RBM33: variants seen among roughly 807,000 people sequenced by gnomAD.
The protein encoded by RBM33 is RNA binding motif protein 33, also known as RNA-binding protein 33.
RBM33 carries 28 observed loss-of-function variants against 132.6 expected under a neutral mutation model. The observed-to-expected ratio is 0.21, with a 90% confidence interval of 0.16 to 0.29. RBM33 has a LOEUF of 0.29. Ranked by LOEUF, RBM33 falls within the 10% of genes least tolerant of loss-of-function variation. The pLI is 1.00. For synonymous variants in RBM33, 634 were observed against 593.0 expected, an observed-to-expected ratio of 1.07 and a Z score of -1.01; for missense variants, 1,291 against 1,518.5, an observed-to-expected ratio of 0.85 and a Z score of 2.49.
At chr7:155,726,740 C>A (rs1056757562) in intron 9 of RBM33, among the ~76,000 whole-genome samples, 2 of 152,206 alleles carry the variant, frequency 1.3e-5, no homozygotes, top group African/African-American at 2.4e-5. Context: ...AGTAGAACTT[C>A]TTATGAATGT....
intron 6 of RBM33, chr7:155,701,200 T>A: frequency 1.8e-6 from 1 of 549,212 alleles, no homozygotes; most frequent in Non-Finnish European, 3.2e-6. Flanking sequence ...TTTGAGTCTG[T>A]GGCCTACAGC....
At chr7:155,758,913 T>C (rs1042292030) in intron 14 of RBM33, among the ~76,000 whole-genome samples, 8 of 146,930 alleles carry the variant, frequency 5.4e-5, no homozygotes, top group African/African-American at 7.6e-5. Context: ...GACCGAAGAG[T>C]CTGTCAGTCT....
At chr7:155,661,693 C>T (rs1410253058) in intron 1 of RBM33, among the ~76,000 whole-genome samples, 4 of 152,188 alleles carry the variant, frequency 2.6e-5, no homozygotes, top group Admixed American at 2.6e-4. Flanking sequence ...CAGGTGTGAG[C>T]CACTGCACCT....
chr7:155,714,202 A>G (rs968288648), intron 8 of RBM33, among the ~76,000 whole-genome samples: 1 of 152,174 alleles, frequency 6.6e-6, no homozygotes, highest in Non-Finnish European at 1.5e-5. Flanking sequence ...TAGGTGTGGA[A>G]TAGGCAGGCA....
At chr7:155,763,581 A>C (rs930114514) in intron 14 of RBM33, among the ~76,000 whole-genome samples, 9 of 152,262 alleles carry the variant, frequency 5.9e-5, no homozygotes, top group African/African-American at 2.2e-4. Context: ...GAATATAGTA[A>C]TTAAAGGGCA....
In RBM33 at chr7:155,711,231, C is replaced by A. The variant is rs376251372; in HGVS notation, c.977C>A (p.Pro326Gln). The change falls in exon 8 of 18, where the codon CCG becomes CAG. Residue 326 changes from proline (P) to glutamine (Q), a missense_variant. Pro to Gln is a moderately conservative substitution (Grantham distance 76). Coordinates refer to ENST00000401878, the MANE Select transcript of RBM33 (RefSeq NM_053043.3). ...VPQAPPPPPPPPQQQPIRSLF... is the reference protein window; with the variant it reads ...VPQAPPPPPPQPQQQPIRSLF... ...CAGGCTCCCCCTCCACCGCCACCGC[C>A]GCCTCAGCAGCAGCCGATCAGAAGC... The A allele has an allele frequency of 3.1e-6, 5 of 1,588,432 alleles. No individual in the cohort carries two copies. In the African/African-American group the frequency reaches 5.4e-5, roughly 17 times the overall value.
intron 1 of RBM33, among the ~76,000 whole-genome samples, chr7:155,661,366 C>T (rs1233443807): frequency 6.7e-6 from 1 of 150,068 alleles, no homozygotes; most frequent in Non-Finnish European, 1.5e-5. Context: ...TCATGATCCC[C>T]CTGCCTTGGC....
rs1282025987 is a variant in RBM33, at chr7:155,776,298, CA to C, written c.*1258del. The C allele has an allele frequency of 6.6e-6, 1 of 152,536 alleles. No individual in the cohort carries two copies. Among genetic ancestry groups the C allele is most frequent in the Non-Finnish European group, 1.5e-5 (1 of 68,044 alleles). The allele number at this position is 152,536 out of a possible 1,614,324, so 9.4% of individuals were successfully genotyped here. ...CAAATAATGATAGGGCATACTCAGACATTTTAGCTACCTTTTATACCTACGA... is the reference window on the plus strand; with the variant it reads ...CAAATAATGATAGGGCATACTCAGACTTTTAGCTACCTTTTATACCTACGA... On this transcript the variant is annotated 3_prime_UTR_variant, in exon 18 of 18. Transcript: ENST00000401878. The surrounding 1 kb of genome is among the most constrained non-coding windows in gnomAD (Gnocchi z 4.0).
chr7:155,726,661 G>A (rs1800801931), intron 9 of RBM33, among the ~76,000 whole-genome samples: 1 of 152,170 alleles, frequency 6.6e-6, no homozygotes. Flanking sequence ...ATATTTGCTA[G>A]AGGGAATTGG....
intron 15 of RBM33, among the ~76,000 whole-genome samples, chr7:155,766,204 C>G (rs1384999561): frequency 6.6e-6 from 1 of 152,130 alleles, no homozygotes; most frequent in South Asian, 2.1e-4. Context: ...GAGTGCCCAC[C>G]GAGCACAAGC....
intron 10 of RBM33, 75 bp downstream of exon 10, chr7:155,737,737 T>A: frequency 7.1e-7 from 1 of 1,416,514 alleles, no homozygotes; most frequent in Non-Finnish European, 9.4e-7. Flanking sequence ...ATTTATTTTG[T>A]AAACTGAATT....
Position 155,775,050 on chromosome 7 carries a change from A to G in RBM33, c.*9A>G, listed in dbSNP as rs758353404. 14 of 1,611,634 alleles carry G rather than the reference A, an allele frequency of 8.7e-6. No homozygotes were observed. The East Asian group carries it at 2.7e-4, about 31-fold the overall frequency. On this transcript the variant is annotated 3_prime_UTR_variant, in exon 18 of 18. Transcript: ENST00000401878. ...CCCTGATCGTGGAGTGAGTCCTAACAAGAGAGCCTGACCTTAGGCTGTACA... is the reference window on the plus strand; with the variant it reads ...CCCTGATCGTGGAGTGAGTCCTAACGAGAGAGCCTGACCTTAGGCTGTACA...
intron 9 of RBM33, among the ~76,000 whole-genome samples, chr7:155,724,531 T>G (rs1470731699): frequency 6.6e-6 from 1 of 152,162 alleles, no homozygotes; most frequent in African/African-American, 2.4e-5. Context: ...CCGTGTCAAG[T>G]AAGAACGAAA....
At chr7:155,672,941 T>C in intron 3 of RBM33, 26 bp downstream of exon 3, 1 of 1,463,698 alleles carries the variant, frequency 6.8e-7, no homozygotes, top group South Asian at 1.2e-5. Context: ...CCTTCTGAGA[T>C]GAAATACTAG....
chr7:155,706,666 TTATC>T (rs1800123278), intron 6 of RBM33, 190 bp from the exon 7 acceptor site: 3 of 547,314 alleles, frequency 5.5e-6, no homozygotes, highest in African/African-American at 1.9e-5. Flanking sequence ...CTGTTCTTAT[TTATC>T]AGATCTCACT....
At chr7:155,653,928 G>A (rs148521144) in intron 1 of RBM33, among the ~76,000 whole-genome samples, 36 of 152,272 alleles carry the variant, frequency 2.4e-4, no homozygotes, top group African/African-American at 8.2e-4. Flanking sequence ...GTGAAACTGA[G>A]CCCTTAACCT....
chr7:155,749,456 G>A (rs190804118), intron 14 of RBM33, among the ~76,000 whole-genome samples: 1 of 152,262 alleles, frequency 6.6e-6, no homozygotes, highest in East Asian at 1.9e-4. Context: ...TGAATCTTAC[G>A]CTCTTCACCC....
chr7:155,718,397 C>T lies in RBM33; in HGVS notation c.1214C>T (p.Pro405Leu), dbSNP rs763048483. ...VVTPVQVPLLPVPSQPRPAVG... is the reference protein window; with the variant it reads ...VVTPVQVPLLLVPSQPRPAVG... ...GTTTTTCTTGCAGTGCCCTTGCTAC[C>T]AGTTCCGAGCCAGCCGAGACCTGCC... is the stretch of plus-strand genomic sequence containing the variant. Residue 405 changes from proline (P) to leucine (L), a missense_variant, in exon 9 of 18, where the codon CCA becomes CTA. By Grantham distance (98) the Pro-to-Leu change is moderately conservative. This residue lies in a region of RBM33 where 841 missense variants were observed against 912.0 expected (regional missense o/e 0.92). Coordinates refer to ENST00000401878, the MANE Select transcript of RBM33 (RefSeq NM_053043.3). 2 of 1,613,718 alleles carry T rather than the reference C, an allele frequency of 1.2e-6. No individual in the cohort carries two copies. Among genetic ancestry groups the T allele is most frequent in the Non-Finnish European group, 1.7e-6 (2 of 1,179,814 alleles).
In RBM33 at chr7:155,706,899, A is replaced by C; in HGVS notation, c.779A>C (p.Glu260Ala). Residue 260 changes from glutamate to alanine, a missense_variant, in exon 7 of 18, where the codon GAA becomes GCA. Glu to Ala is a moderately radical substitution (Grantham distance 107, BLOSUM62 -1). This residue lies in a region of RBM33 where 34 missense variants were observed against 46.5 expected (regional missense o/e 0.73). Transcript: ENST00000401878. ...GCCAAGGCAGCATTGCTTGAATTTG[A>C]AGAAAGGGAGCGACAGCATAAACAA... ...AEAKAALLEF[E>A]ERERQHKQGR... 1.2e-6 allele frequency: 2 copies of C among 1,607,318 alleles called. No homozygotes were observed. The highest frequency in any genetic ancestry group is 1.7e-6 in the Non-Finnish European group (2 of 1,177,108).
Sources: allele counts gnomAD v4.1 joint callset (sites outside exome capture counted in the v4.1 genomes callset), GRCh38; gene constraint gnomAD v4.1.1; regional missense constraint gnomAD v4.1.1; non-coding constraint Gnocchi (gnomAD v3.1); transcripts MANE v1.5; gene names NCBI Gene and HGNC (gene_info 2026-07-23, HGNC 2026-07-21).